SORCS1: variants seen among roughly 807,000 people sequenced by gnomAD.
SORCS1 encodes the protein VPS10 domain-containing receptor SorCS1.
A neutral mutation model predicts 146.1 loss-of-function variants in SORCS1; 60 were observed. The observed-to-expected ratio is 0.41, with a 90% CI of 0.33 to 0.51. SORCS1 has a LOEUF of 0.51. SORCS1 is among the 20% of genes least tolerant of loss of function. The probability of loss-of-function intolerance (pLI) is 0.21; values close to 1 mark genes in which losing one functional copy is unlikely to be tolerated. For synonymous variants in SORCS1, 637 were observed against 584.0 expected (o/e 1.09, Z -1.31); for missense variants, 1,352 against 1,487.6 (o/e 0.91, Z 1.50).
intron 3 of SORCS1, among the ~76,000 whole-genome samples, chr10:106,819,124 GT>G (rs1417392031): frequency 1.3e-5 from 2 of 152,212 alleles, no homozygotes; most frequent in African/African-American, 4.8e-5. Context: ...GTTAAGAAGA[GT>G]AACAATGAGA....
intron 3 of SORCS1, among the ~76,000 whole-genome samples, chr10:106,810,223 G>GAA (rs141845402): frequency 6.8e-6 from 1 of 146,068 alleles, no homozygotes; most frequent in East Asian, 2.0e-4. Context: ...TCCGTCTCAG[G>GAA]AAAAAAAAAA....
chr10:106,787,873 G>T (rs1462676330), intron 3 of SORCS1, among the ~76,000 whole-genome samples: 1 of 152,086 alleles, frequency 6.6e-6, no homozygotes, highest in African/African-American at 2.4e-5. Context: ...TTCAGACCCA[G>T]GTTCATATTC....
At chr10:106,891,504 C>CTTTTTTTTTTTTTTGTTTTTTTTT (rs760812204) in intron 2 of SORCS1, among the ~76,000 whole-genome samples, 1 of 97,260 alleles carries the variant, frequency 1.0e-5, no homozygotes, top group East Asian at 2.9e-4. Context: ...AATGGGAATT[C>CTTTTTTTTTTTTTTGTTTTTTTTT]TTTTTTTTTT....
chr10:106,671,578 T>C (rs2135476170), intron 15 of SORCS1, among the ~76,000 whole-genome samples: 1 of 152,354 alleles, frequency 6.6e-6, no homozygotes. Context: ...TGAAGATTAT[T>C]AAACAACATC....
At chr10:106,979,807 C>T (rs754175449) in intron 1 of SORCS1, among the ~76,000 whole-genome samples, 31 of 152,164 alleles carry the variant, frequency 2.0e-4, no homozygotes, top group Non-Finnish European at 4.0e-4. Flanking sequence ...CAGGCTGGTG[C>T]CCTCACTCTG....
rs989935931 is a variant in SORCS1, at chr10:106,671,103, G to A, written c.2189+134C>T. On this transcript the variant is annotated intron_variant, in intron 16 of 25. Coordinates refer to ENST00000263054, the MANE Select transcript of SORCS1 (RefSeq NM_052918.5). ...CATACACATAGCTAGTAAACTATGA[G>A]GTAATTTTATAAGAATATGAAGCTG... 21 of 1,197,112 alleles carry A rather than the reference G, an allele frequency of 1.8e-5. 1 individual carries two copies. The highest frequency in any genetic ancestry group is 1.4e-4 in the Admixed American group (6 of 41,870). 74.2% of individuals were successfully genotyped at this position (1,197,112 alleles called of 1,614,324 possible).
intron 6 of SORCS1, among the ~76,000 whole-genome samples, chr10:106,720,965 T>G (rs565110428): frequency 1.2e-4 from 18 of 152,086 alleles, no homozygotes; most frequent in Middle Eastern, 6.8e-3. Flanking sequence ...TCTGGGTGGT[T>G]GTTAGGGCTG....
At chr10:106,947,781 G>C (rs1331280971) in intron 2 of SORCS1, among the ~76,000 whole-genome samples, 1 of 151,896 alleles carries the variant, frequency 6.6e-6, no homozygotes, top group Non-Finnish European at 1.5e-5. Context: ...GAGAGAGGCA[G>C]AGGTTGCAGT....
chr10:106,740,878 A>G lies in SORCS1; in HGVS notation c.960-10764T>C, dbSNP rs890582339. ...GCAATTTACTTGCCTAAGGGCATAG[A>G]GCTAATAAAAGATACAATCAGACTG... On this transcript the variant is annotated intron_variant, in intron 5 of 25. Transcript: ENST00000263054. Among the ~76,000 whole-genome samples the G allele has an allele frequency of 2.0e-5, 3 of 152,270 alleles. No homozygotes were observed. The East Asian group carries it at 5.8e-4, about 29-fold the overall frequency.
chr10:107,095,401 T>A (rs1964476640), intron 1 of SORCS1, among the ~76,000 whole-genome samples: 1 of 152,094 alleles, frequency 6.6e-6, no homozygotes, highest in African/African-American at 2.4e-5. Context: ...CCCCACCTCA[T>A]CATGCTGCAT....
At chr10:106,765,534 C>T (rs189340074) in intron 4 of SORCS1, among the ~76,000 whole-genome samples, 27 of 152,172 alleles carry the variant, frequency 1.8e-4, no homozygotes, top group African/African-American at 4.8e-4. Flanking sequence ...GCATCTCTGG[C>T]GCCATCCTCT....
chr10:106,773,984 G>T (rs1454232162), intron 4 of SORCS1, among the ~76,000 whole-genome samples: 3 of 152,050 alleles, frequency 2.0e-5, no homozygotes, highest in Non-Finnish European at 2.9e-5. Flanking sequence ...TCAAACGTCA[G>T]GTAGCCCCTT....
intron 1 of SORCS1, among the ~76,000 whole-genome samples, chr10:107,128,032 G>C (rs2134605662): frequency 6.6e-6 from 1 of 152,298 alleles, no homozygotes; most frequent in Admixed American, 6.5e-5. Context: ...AAAGGGACTG[G>C]AACTCAGGAG....
chr10:106,886,359 A>G (rs1180010265), intron 2 of SORCS1, among the ~76,000 whole-genome samples: 1 of 152,200 alleles, frequency 6.6e-6, no homozygotes, highest in African/African-American at 2.4e-5. Context: ...ATAAAAATGG[A>G]CTAATACACC....
At chr10:106,862,519 A>T (rs1431924701) in intron 2 of SORCS1, among the ~76,000 whole-genome samples, 4 of 152,114 alleles carry the variant, frequency 2.6e-5, no homozygotes, top group African/African-American at 9.7e-5. Flanking sequence ...AGAAGAGTTT[A>T]CGCCCAAGTT....
chr10:106,655,806 C>T (rs1207324560), intron 17 of SORCS1, among the ~76,000 whole-genome samples: 1 of 152,168 alleles, frequency 6.6e-6, no homozygotes, highest in African/African-American at 2.4e-5. Context: ...CTCAAGTAAG[C>T]ACACACCTGC....
intron 3 of SORCS1, among the ~76,000 whole-genome samples, chr10:106,817,560 C>T (rs1338423175): frequency 6.6e-6 from 1 of 152,188 alleles, no homozygotes; most frequent in African/African-American, 2.4e-5. Context: ...TTTAGAGAGA[C>T]TGTATTCTCT....
intron 3 of SORCS1, among the ~76,000 whole-genome samples, chr10:106,792,047 A>G (rs1208578258): frequency 6.6e-6 from 1 of 152,000 alleles, no homozygotes; most frequent in East Asian, 1.9e-4. Flanking sequence ...ATTTGTATAC[A>G]TTGTTATTCT....
chr10:106,672,794 C>T, intron 15 of SORCS1, 74 bp downstream of exon 15: 2 of 1,273,152 alleles, frequency 1.6e-6, no homozygotes, highest in Non-Finnish European at 2.3e-6. Context: ...GTTCCTATAC[C>T]TTAGCAACTA....
Sources: gnomAD v4.1 joint callset for allele counts (sites outside exome capture counted in the v4.1 genomes callset) on GRCh38, gnomAD v4.1.1 for gene constraint, MANE v1.5 for transcripts, NCBI Gene and HGNC (gene_info 2026-07-23, HGNC 2026-07-21) for gene names.